The following TTC28 variants were observed in gnomAD, a reference collection of about 807,000 sequenced individuals.
TTC28 encodes the protein tetratricopeptide repeat protein 28.
Under a neutral mutation model 198.0 loss-of-function variants are expected in TTC28, and 61 were observed. The observed-to-expected ratio is 0.31, with a 90% CI of 0.25 to 0.38. The LOEUF is 0.38. Among genes scored for constraint, TTC28 ranks in the 10% least tolerant of loss-of-function variants. TTC28 has a pLI of 1.00. For synonymous variants in TTC28, 1,171 were observed against 1,297.8 expected, an observed-to-expected ratio of 0.90 and a Z score of 2.10; for missense variants, 2,678 against 3,164.0, an observed-to-expected ratio of 0.85 and a Z score of 3.69.
intron 2 of TTC28, among the ~76,000 whole-genome samples, chr22:28,342,116 T>C (rs964193881): frequency 1.3e-5 from 2 of 152,238 alleles, no homozygotes; most frequent in African/African-American, 4.8e-5. Context: ...GCTAAAATTG[T>C]TTTTTGTGTT....
intron 2 of TTC28, among the ~76,000 whole-genome samples, chr22:28,536,379 C>T (rs891255082): frequency 6.6e-5 from 10 of 151,922 alleles, no homozygotes; most frequent in Non-Finnish European, 1.2e-4. Context: ...AATCCCAGCA[C>T]TTTGGGAGGC....
At chr22:28,607,323 G>A (rs748406174) in intron 2 of TTC28, among the ~76,000 whole-genome samples, 5 of 152,124 alleles carry the variant, frequency 3.3e-5, no homozygotes, top group South Asian at 4.1e-4. Flanking sequence ...CATAGGGGCC[G>A]TACTTGAGAA....
chr22:28,038,440 T>C (rs1939457290), intron 12 of TTC28, among the ~76,000 whole-genome samples: 1 of 152,202 alleles, frequency 6.6e-6, no homozygotes, highest in African/African-American at 2.4e-5. Flanking sequence ...ATTTAATAAA[T>C]GGTGCTGGGA....
At chr22:28,662,904 G>C (rs2051770737) in intron 1 of TTC28, among the ~76,000 whole-genome samples, 1 of 152,074 alleles carries the variant, frequency 6.6e-6, no homozygotes, top group Admixed American at 6.6e-5. Context: ...ATTACACACA[G>C]AACAGAAGCA....
In TTC28 at chr22:28,640,073, G is replaced by A. The variant is rs939111317; in HGVS notation, c.103-10243C>T. On this transcript the variant is annotated intron_variant, in intron 1 of 22. Transcript: ENST00000397906. ...TGTAATCCCAGCAATTTTGGAGGCC[G>A]ATGTGGGTAGATTGCTTGAGCCCAG... Among the ~76,000 whole-genome samples the A allele has an allele frequency of 3.9e-5, 6 of 152,024 alleles. 1 individual carries two copies. The highest frequency in any genetic ancestry group is 8.8e-5 in the Non-Finnish European group (6 of 68,000).
At chr22:28,064,727 T>C (rs140303047) in intron 12 of TTC28, among the ~76,000 whole-genome samples, 1,550 of 152,256 alleles carry the variant, frequency 0.01, 30 homozygotes, top group African/African-American at 0.035. Flanking sequence ...TTTTACCGTA[T>C]TTATTGCCAA....
At chr22:28,606,705 T>C (rs1041959416) in intron 2 of TTC28, among the ~76,000 whole-genome samples, 12 of 152,206 alleles carry the variant, frequency 7.9e-5, no homozygotes, top group African/African-American at 2.9e-4. Flanking sequence ...CAAAAAGACC[T>C]GAGCATAGAT....
At chr22:28,134,741 C>T (rs896187857) in intron 6 of TTC28, among the ~76,000 whole-genome samples, 7 of 151,928 alleles carry the variant, frequency 4.6e-5, no homozygotes, top group South Asian at 2.1e-4. Context: ...CTGAAAGTGA[C>T]GAGGAGAATG....
intron 2 of TTC28, among the ~76,000 whole-genome samples, chr22:28,568,285 G>C (rs1035099385): frequency 3.9e-5 from 6 of 152,176 alleles, no homozygotes; most frequent in South Asian, 2.1e-4. Context: ...AACAGCAAAG[G>C]TGGTGATTGT....
At chr22:28,625,286 C>G (rs2051061367) in intron 2 of TTC28, among the ~76,000 whole-genome samples, 1 of 152,186 alleles carries the variant, frequency 6.6e-6, no homozygotes, top group South Asian at 2.1e-4. Flanking sequence ...TGATTACCTG[C>G]AGACATTACC....
At chr22:28,647,871 A>G (rs1425627712) in intron 1 of TTC28, among the ~76,000 whole-genome samples, 1 of 151,802 alleles carries the variant, frequency 6.6e-6, no homozygotes, top group Non-Finnish European at 1.5e-5. Flanking sequence ...AAAATTAAAA[A>G]AGTGGGCAAT....
intron 2 of TTC28, among the ~76,000 whole-genome samples, chr22:28,389,322 G>A (rs2046673805): frequency 6.6e-6 from 1 of 152,046 alleles, no homozygotes; most frequent in African/African-American, 2.4e-5. Flanking sequence ...TTGTGTCTCT[G>A]CCCGGCTTTG....
At chr22:28,678,449 G>C (rs543868679) in intron 1 of TTC28, among the ~76,000 whole-genome samples, 2 of 152,230 alleles carry the variant, frequency 1.3e-5, no homozygotes, top group Non-Finnish European at 2.9e-5. Flanking sequence ...GCTCACTACA[G>C]CCTCAAGCCC....
chr22:28,661,818 G>A (rs1470484940), intron 1 of TTC28, among the ~76,000 whole-genome samples: 1 of 152,118 alleles, frequency 6.6e-6, no homozygotes, highest in Admixed American at 6.5e-5. Flanking sequence ...TGTTGGCAAA[G>A]CTGGTCTCGA....
chr22:27,983,765 G>C lies in TTC28; in HGVS notation c.5902C>G (p.Leu1968Val), dbSNP rs1222694899. 6.4e-7 allele frequency: 1 copy of C among 1,551,630 alleles called. No individual in the cohort carries two copies. Among genetic ancestry groups the C allele is most frequent in the East Asian group, 2.4e-5 (1 of 40,912 alleles). ...LASAQSVSNALPLGYQQPPFS... is the reference protein window; with the variant it reads ...LASAQSVSNAVPLGYQQPPFS... ...GGGGGTTGCTGGTAACCCAAGGGCA[G>C]GGCGTTGGAAACAGACTGAGCAGAA... The change falls in exon 23 of 23, where the codon CTG becomes GTG. Residue 1968 changes from leucine (L) to valine (V), a missense_variant. This residue lies in a region of TTC28 where 314 missense variants were observed against 442.7 expected (regional missense o/e 0.71). Transcript: ENST00000397906.
intron 2 of TTC28, among the ~76,000 whole-genome samples, chr22:28,392,496 T>C (rs2046744409): frequency 6.6e-6 from 1 of 152,214 alleles, no homozygotes; most frequent in Non-Finnish European, 1.5e-5. Flanking sequence ...TCAGGGAGAC[T>C]CCGTGGGCGT....
At chr22:28,240,132 G>A (rs1929562440) in intron 5 of TTC28, among the ~76,000 whole-genome samples, 1 of 152,216 alleles carries the variant, frequency 6.6e-6, no homozygotes, top group Admixed American at 6.5e-5. Flanking sequence ...TTTCAACCCA[G>A]TATTTTGACT....
At chr22:28,421,571 G>A (rs1327755219) in intron 2 of TTC28, among the ~76,000 whole-genome samples, 3 of 152,060 alleles carry the variant, frequency 2.0e-5, no homozygotes, top group African/African-American at 7.2e-5. Context: ...TAAAGATGAA[G>A]TTACCATTTA....
chr22:28,194,039 A>G (rs1298731575), intron 5 of TTC28, among the ~76,000 whole-genome samples: 1 of 152,200 alleles, frequency 6.6e-6, no homozygotes, highest in Non-Finnish European at 1.5e-5. Context: ...AGTTGGAAAT[A>G]AAGCACTCCT....
Sources: gnomAD v4.1 joint callset for allele counts (sites outside exome capture counted in the v4.1 genomes callset) on GRCh38, gnomAD v4.1.1 for gene constraint, gnomAD v4.1.1 regional missense constraint, MANE v1.5 for transcripts, NCBI Gene and HGNC (gene_info 2026-07-23, HGNC 2026-07-21) for gene names.